Variants in CDC14B observed in about 807,000 individuals in gnomAD.
CDC14B encodes the protein dual specificity protein phosphatase CDC14B.
Under a neutral mutation model 64.2 loss-of-function variants are expected in CDC14B, and 22 were observed. The observed-to-expected ratio is 0.34, with a 90% CI of 0.24 to 0.49. CDC14B has a LOEUF of 0.49. CDC14B is among the 20% of genes least tolerant of loss of function. CDC14B has a pLI of 0.99. For missense variants in CDC14B, 498 were observed against 629.9 expected (o/e 0.79, Z 2.24); for synonymous variants, 191 against 215.8 (o/e 0.89, Z 1.01).
intron 5 of CDC14B, 124 bp from the exon 6 acceptor site, chr9:96,542,016 T>C: frequency 3.7e-6 from 2 of 543,112 alleles, no homozygotes; most frequent in Non-Finnish European, 6.3e-6. Flanking sequence ...AAGAAAAAAA[T>C]CTCGCCTTTT....
intron 12 of CDC14B, among the ~76,000 whole-genome samples, chr9:96,521,315 G>C (rs1836680037): frequency 6.6e-6 from 1 of 152,144 alleles, no homozygotes; most frequent in South Asian, 2.1e-4. Flanking sequence ...CTGACCTCAG[G>C]TGATCTGCCC....
chr9:96,522,452 G>T, intron 12 of CDC14B, 54 bp downstream of exon 12: 1 of 1,139,936 alleles, frequency 8.8e-7, no homozygotes, highest in Non-Finnish European at 1.3e-6. Flanking sequence ...CCTCACCAAG[G>T]ACCCCACACA....
intron 13 of CDC14B, among the ~76,000 whole-genome samples, chr9:96,507,251 A>C (rs1834256596): frequency 6.7e-6 from 1 of 149,654 alleles, no homozygotes; most frequent in South Asian, 2.2e-4. Context: ...TGGAAGACGA[A>C]GTTTGCAGTG....
intron 1 of CDC14B, among the ~76,000 whole-genome samples, chr9:96,584,693 G>A (rs35935529): frequency 0.05 from 7,595 of 152,064 alleles, 370 homozygotes; most frequent in South Asian, 0.27. Context: ...CCGCTTTGTC[G>A]CCCAGGCTGT....
At chr9:96,569,631 C>T (rs917541733) in intron 1 of CDC14B, among the ~76,000 whole-genome samples, 20 of 151,800 alleles carry the variant, frequency 1.3e-4, no homozygotes, top group African/African-American at 4.8e-4. Context: ...CAGGGCTCTT[C>T]TTTTTTTCTT....
chr9:96,527,411 A>C lies in CDC14B; in HGVS notation c.947-3686T>G, dbSNP rs936934280. ...AAGACTCCGTCTCAAAAACAAAAAC[A>C]AAAAAATTCTGTATTGGTTAATTCG... On this transcript the variant is annotated intron_variant, in intron 9 of 13. Coordinates refer to ENST00000375241, the MANE Select transcript of CDC14B (RefSeq NM_033331.4). 2.0e-5 allele frequency among the ~76,000 whole-genome samples: 3 copies of C among 152,060 alleles called. No individual in the cohort carries two copies. The East Asian group carries it at 5.8e-4, about 29-fold the overall frequency.
intron 1 of CDC14B, among the ~76,000 whole-genome samples, chr9:96,580,388 C>T (rs909588467): frequency 2.6e-5 from 4 of 152,078 alleles, no homozygotes; most frequent in Non-Finnish European, 5.9e-5. Flanking sequence ...TGCACCACCA[C>T]GCCCGGCTAA....
intron 1 of CDC14B, among the ~76,000 whole-genome samples, chr9:96,583,230 T>C (rs1275419195): frequency 6.6e-6 from 1 of 152,100 alleles, no homozygotes; most frequent in Non-Finnish European, 1.5e-5. Flanking sequence ...TGCAGATTTG[T>C]CTAAAATATT....
intron 4 of CDC14B, among the ~76,000 whole-genome samples, chr9:96,558,502 T>C (rs1328198278): frequency 2.0e-5 from 3 of 152,216 alleles, no homozygotes; most frequent in Admixed American, 2.0e-4. Context: ...TCTGTGCATA[T>C]ACACACACGT....
rs1833662876 is a variant in CDC14B, at chr9:96,502,752, T to C, written c.*1001A>G. ...GGCAACAGTGAGATCCAGAAGCAGA[T>C]CATTGTCACTGAGATCGCAGGCCAC... On this transcript the variant is annotated 3_prime_UTR_variant, in exon 14 of 14. Transcript: ENST00000375241. 2.5e-6 allele frequency: 1 copy of C among 397,024 alleles called. No individual in the cohort carries two copies. Among genetic ancestry groups the C allele is most frequent in the Non-Finnish European group, 4.4e-6 (1 of 225,198 alleles). The allele number at this position is 397,024 out of a possible 1,614,324, so 24.6% of individuals were successfully genotyped here. A position where few individuals can be genotyped will look rare whatever the true frequency, so the allele number is the denominator to read the frequency against.
At chr9:96,561,739 A>T (rs927857929) in intron 4 of CDC14B, among the ~76,000 whole-genome samples, 1 of 151,802 alleles carries the variant, frequency 6.6e-6, no homozygotes, top group Admixed American at 6.6e-5. Flanking sequence ...TGCCCGCCTC[A>T]GCCTCCCAAA....
Position 96,509,706 on chromosome 9 carries a change from G to C in CDC14B, c.1427C>G (p.Thr476Ser), listed in dbSNP as rs367812651. The change falls in exon 13 of 14, where the codon ACC becomes AGC. Residue 476 changes from threonine (T) to serine (S), a missense_variant. Coordinates refer to ENST00000375241, the MANE Select transcript of CDC14B (RefSeq NM_033331.4). ...ACTGCTTTTCCTTGAAGCAGATCTG[G>C]TGGTTCTTTTAGTAATGCCTGCACT... Reference protein sequence around the residue: ...SGSAGITKRTTRSASRKSSVK... With the variant: ...SGSAGITKRTSRSASRKSSVK... 3 of 1,611,252 alleles carry C rather than the reference G, an allele frequency of 1.9e-6. No individual in the cohort carries two copies. Among genetic ancestry groups the C allele is most frequent in the South Asian group, 2.2e-5 (2 of 91,020 alleles).
chr9:96,517,110 C>A (rs1835796245), intron 12 of CDC14B, among the ~76,000 whole-genome samples: 1 of 151,214 alleles, frequency 6.6e-6, no homozygotes. Flanking sequence ...GAGGCTGAGG[C>A]AGGTGGATCA....
chr9:96,498,024 C>G (rs1833324958), downstream of CDC14B, among the ~76,000 whole-genome samples: 1 of 152,188 alleles, frequency 6.6e-6, no homozygotes, highest in South Asian at 2.1e-4. Flanking sequence ...AGGAAATAGC[C>G]AGCACCGCCC....
At chr9:96,584,785 C>A (rs906744634) in intron 1 of CDC14B, among the ~76,000 whole-genome samples, 14 of 152,176 alleles carry the variant, frequency 9.2e-5, no homozygotes, top group African/African-American at 3.4e-4. Flanking sequence ...TCCCAAGTAG[C>A]TGGGATTACA....
intron 1 of CDC14B, among the ~76,000 whole-genome samples, chr9:96,580,364 T>C (rs1845074178): frequency 2.0e-5 from 3 of 152,118 alleles, no homozygotes; most frequent in African/African-American, 7.2e-5. Context: ...CCCGAGTAGC[T>C]GGGATTACAA....
At chr9:96,606,160 C>T (rs1305373029) in intron 1 of CDC14B, among the ~76,000 whole-genome samples, 1 of 150,984 alleles carries the variant, frequency 6.6e-6, no homozygotes, top group African/African-American at 2.4e-5. Context: ...ATGGCAAAAC[C>T]CCATTTCAAC....
intron 1 of CDC14B, 51 bp from the exon 2 acceptor site, chr9:96,565,534 T>A: frequency 8.7e-7 from 1 of 1,155,178 alleles, no homozygotes; most frequent in Non-Finnish European, 1.3e-6. Context: ...AAAAAACGTT[T>A]CATATATCAT....
chr9:96,517,320 C>T (rs1469711558), intron 12 of CDC14B, among the ~76,000 whole-genome samples: 5 of 148,784 alleles, frequency 3.4e-5, no homozygotes, highest in South Asian at 2.1e-4. Context: ...CTAGCCTGGC[C>T]GACAGAGCGA....
Sources: allele counts gnomAD v4.1 joint callset (sites outside exome capture counted in the v4.1 genomes callset), GRCh38; gene constraint gnomAD v4.1.1; transcripts MANE v1.5; gene names NCBI Gene and HGNC (gene_info 2026-07-23, HGNC 2026-07-21).